Variants in NWD1 observed in about 807,000 individuals in gnomAD.
NWD1 encodes the protein NACHT domain- and WD repeat-containing protein 1.
Under a neutral mutation model 135.1 loss-of-function variants are expected in NWD1, and 129 were observed. The observed-to-expected ratio is 0.96, with a 90% CI of 0.83 to 1.11. NWD1 has a LOEUF of 1.11. NWD1 is among the 50% of genes least tolerant of loss of function. The pLI, the probability that NWD1 is intolerant of heterozygous loss-of-function variation, is 0.00. For missense variants in NWD1, 1,740 were observed against 1,851.3 expected (o/e 0.94, Z 1.10); for synonymous variants, 773 against 786.0 (o/e 0.98, Z 0.28).
Position 16,807,632 on chromosome 19 carries a change from G to T in NWD1, c.3783G>T (p.Leu1261=). The T allele has an allele frequency of 6.4e-7, 1 of 1,555,222 alleles. No homozygotes were observed. The highest frequency in any genetic ancestry group is 8.7e-7 in the Non-Finnish European group (1 of 1,154,108). Residue 1261 remains leucine, a synonymous_variant, in exon 18 of 19, where the codon CTG becomes CTT. Transcript: ENST00000524140. ...ACACCTCCAGTGAGATCAGGTGTCT[G>T]GAGGTTGCTGAGCAGCGCAAGCTCC... The part of the protein sequence containing the change: ...SLDTSSEIRC[L]EVAEQRKLLF...
At chr19:16,785,310 G>A (rs1346604579) in intron 12 of NWD1, among the ~76,000 whole-genome samples, 1 of 151,984 alleles carries the variant, frequency 6.6e-6, no homozygotes, top group East Asian at 1.9e-4. Context: ...TCAGAAGTTC[G>A]AGACCAGCCT....
At chr19:16,756,803 T>C (rs556148189) in intron 6 of NWD1, among the ~76,000 whole-genome samples, 3 of 152,266 alleles carry the variant, frequency 2.0e-5, no homozygotes, top group Non-Finnish European at 2.9e-5. Flanking sequence ...TGAAGCTTCA[T>C]CTGTATCTAC....
intron 12 of NWD1, among the ~76,000 whole-genome samples, chr19:16,784,839 G>A (rs752961025): frequency 6.6e-6 from 1 of 151,780 alleles, no homozygotes; most frequent in Non-Finnish European, 1.5e-5. Context: ...TGAGGCAAGA[G>A]AATCACTTGA....
intron 2 of NWD1, among the ~76,000 whole-genome samples, chr19:16,725,176 G>C (rs897865538): frequency 2.0e-5 from 3 of 151,670 alleles, no homozygotes; most frequent in Non-Finnish European, 4.4e-5. Flanking sequence ...ACCATGGCCA[G>C]CTAATTTTTG....
At chr19:16,724,946 G>T (rs953577010) in intron 2 of NWD1, among the ~76,000 whole-genome samples, 1 of 151,940 alleles carries the variant, frequency 6.6e-6, no homozygotes, top group African/African-American at 2.4e-5. Flanking sequence ...CACCCACCTC[G>T]ACCTCCCAAA....
intron 11 of NWD1, among the ~76,000 whole-genome samples, chr19:16,776,384 A>C (rs1346539353): frequency 6.6e-6 from 1 of 152,042 alleles, no homozygotes; most frequent in East Asian, 1.9e-4. Flanking sequence ...CCTGGCCTAC[A>C]TGGTGAAACC....
chr19:16,740,975 A>G (rs938424859), intron 4 of NWD1, among the ~76,000 whole-genome samples: 15 of 152,220 alleles, frequency 9.9e-5, no homozygotes, highest in Middle Eastern at 3.4e-3. Context: ...CCTGGCCAAC[A>G]TGGCGAAACC....
chr19:16,720,587 C>T (rs1032833123), intron 1 of NWD1, among the ~76,000 whole-genome samples: 9 of 151,968 alleles, frequency 5.9e-5, no homozygotes, highest in Admixed American at 1.3e-4. Context: ...GACGGAGTCT[C>T]GCTCTGTCAC....
At chr19:16,767,071 A>AT (rs1429829454) in intron 10 of NWD1, among the ~76,000 whole-genome samples, 1 of 151,770 alleles carries the variant, frequency 6.6e-6, no homozygotes, top group Non-Finnish European at 1.5e-5. Flanking sequence ...AGACTGGGTA[A>AT]TTTACAAAGG....
In NWD1 at chr19:16,750,293, G is replaced by A. The variant is rs1968522003; in HGVS notation, c.1651G>A (p.Val551Met). The A allele has an allele frequency of 4.3e-6, 7 of 1,613,590 alleles. No homozygotes were observed. The highest frequency in any genetic ancestry group is 5.1e-6 in the Non-Finnish European group (6 of 1,179,940). The change falls in exon 6 of 19, where the codon GTG (valine) becomes ATG (methionine). Residue 551 changes from valine (V) to methionine (M), a missense_variant. Val to Met is a conservative substitution (Grantham distance 21). Coordinates refer to ENST00000524140, the MANE Select transcript of NWD1 (RefSeq NM_001007525.5). ...EEARKWASFT[V>M]PVPLATTAEE... The stretch of plus-strand genomic sequence containing the variant: ...AGCCCGGAAATGGGCCTCTTTCACC[G>A]TGCCTGTCCCGCTGGCCACCACCGC...
chr19:16,721,452 C>T (rs1396645371), intron 1 of NWD1: 2 of 152,338 alleles, frequency 1.3e-5, no homozygotes, highest in East Asian at 1.9e-4. Flanking sequence ...TCCAAGGAGC[C>T]TGCTGGGACC....
In NWD1 at chr19:16,749,521, G is replaced by T. The variant is rs1353251828; in HGVS notation, c.879G>T (p.Trp293Cys). Residue 293 changes from tryptophan to cysteine, a missense_variant, in exon 6 of 19, where the codon TGG (tryptophan) becomes TGT (cysteine). Trp to Cys is a radical substitution (Grantham distance 215, BLOSUM62 -2). Transcript: ENST00000524140. ...ATACGGCCGGACAGGAGTTGGCGTG[G>T]CTCTACCAAGAGATCCGCCACCACC... ...ELDTAGQELA[W>C]LYQEIRHHLW... 6.2e-7 allele frequency: 1 copy of T among 1,611,034 alleles called. No homozygotes were observed. Among genetic ancestry groups the T allele is most frequent in the Non-Finnish European group, 8.5e-7 (1 of 1,177,492 alleles).
intron 5 of NWD1, among the ~76,000 whole-genome samples, chr19:16,748,717 G>A (rs1312059529): frequency 6.6e-6 from 1 of 152,042 alleles, no homozygotes; most frequent in Non-Finnish European, 1.5e-5. Context: ...CCAGCTACTC[G>A]GGAGGCTGAG....
intron 11 of NWD1, among the ~76,000 whole-genome samples, chr19:16,776,051 T>C (rs1222555025): frequency 1.3e-5 from 2 of 152,184 alleles, no homozygotes; most frequent in African/African-American, 2.4e-5. Context: ...GGTGAGATGA[T>C]AGAATGACTA....
At chr19:16,747,039 CTTT>C (rs202225653) in intron 5 of NWD1, among the ~76,000 whole-genome samples, 2 of 138,008 alleles carry the variant, frequency 1.4e-5, no homozygotes, top group Admixed American at 7.5e-5. Flanking sequence ...CTTTTTCTTT[CTTT>C]TTTTTTTTTT....
At position 16,744,463 on chromosome 19, in the gene NWD1, C is replaced by A; in HGVS notation, c.241C>A (p.Arg81=). The change falls in exon 5 of 19, where the codon CGG becomes AGG. Residue 81 remains arginine, a synonymous_variant. Coordinates refer to ENST00000524140, the MANE Select transcript of NWD1 (RefSeq NM_001007525.5). ...DQYGPCLIPS[R]IDEKEWEVLR... ...GTACGGCCCCTGTCTGATTCCCTCGCGGATCGATGAGAAGGAGTGGGAGGT... is the reference window on the plus strand; with the variant it reads ...GTACGGCCCCTGTCTGATTCCCTCGAGGATCGATGAGAAGGAGTGGGAGGT... 1 of 1,535,720 alleles carries A rather than the reference C, an allele frequency of 6.5e-7. No individual in the cohort carries two copies. Among genetic ancestry groups the A allele is most frequent in the South Asian group, 1.2e-5 (1 of 84,050 alleles).
At chr19:16,796,788 T>C (rs1389076102) in intron 15 of NWD1, among the ~76,000 whole-genome samples, 2 of 152,170 alleles carry the variant, frequency 1.3e-5, no homozygotes. Context: ...CCCAGCTTTG[T>C]GCTAGTTTCT....
chr19:16,803,547 A>G (rs1970663946), intron 17 of NWD1, among the ~76,000 whole-genome samples: 1 of 152,144 alleles, frequency 6.6e-6, no homozygotes. Context: ...GAGGGTGATG[A>G]TTTTAACATA....
At chr19:16,733,530 A>G (rs1967667106) in intron 3 of NWD1, among the ~76,000 whole-genome samples, 1 of 151,966 alleles carries the variant, frequency 6.6e-6, no homozygotes, top group Non-Finnish European at 1.5e-5. Context: ...CAAAAAAAAA[A>G]AAAAAATCAA....
Sources: gnomAD v4.1 joint callset for allele counts (sites outside exome capture counted in the v4.1 genomes callset) on GRCh38, gnomAD v4.1.1 for gene constraint, MANE v1.5 for transcripts, NCBI Gene and HGNC (gene_info 2026-07-23, HGNC 2026-07-21) for gene names.